The following DCP1B variants were observed in gnomAD, a reference collection of about 807,000 sequenced individuals.
DCP1B encodes the protein decapping mRNA 1B.
DCP1B carries 47 observed loss-of-function variants against 60.5 expected under a neutral mutation model. The ratio of observed to expected loss-of-function variants is 0.78; its 90% confidence interval spans 0.61 to 0.99. The LOEUF (loss-of-function observed/expected upper bound fraction) is 0.99. Among genes scored for constraint, DCP1B ranks in the 50% least tolerant of loss-of-function variants. The pLI is 0.00. For synonymous variants in DCP1B, 267 were observed against 280.3 expected (o/e 0.95, Z 0.47); for missense variants, 725 against 756.8 (o/e 0.96, Z 0.49).
At chr12:1,985,526 G>C (rs1306009563) in intron 3 of DCP1B, among the ~76,000 whole-genome samples, 2 of 152,114 alleles carry the variant, frequency 1.3e-5, no homozygotes, top group Non-Finnish European at 2.9e-5. Context: ...TTACCTCACA[G>C]AGCATGGTAA....
chr12:2,003,361 T>C (rs1480637724), intron 1 of DCP1B, among the ~76,000 whole-genome samples: 1 of 152,214 alleles, frequency 6.6e-6, no homozygotes, highest in African/African-American at 2.4e-5. Flanking sequence ...CAAGGCTAAG[T>C]TCTCCATACT....
At chr12:1,958,497 GAA>G in intron 5 of DCP1B, among the ~76,000 whole-genome samples, 1 of 143,488 alleles carries the variant, frequency 7.0e-6, no homozygotes, top group Non-Finnish European at 1.5e-5. Context: ...CCTCCTGGAA[GAA>G]GACAGGGGAA....
chr12:1,961,063 A>G (rs2031106541), intron 5 of DCP1B, among the ~76,000 whole-genome samples: 1 of 152,234 alleles, frequency 6.6e-6, no homozygotes, highest in African/African-American at 2.4e-5. Context: ...ATGCACACCT[A>G]GTTAGGCCGG....
intron 5 of DCP1B, among the ~76,000 whole-genome samples, chr12:1,956,932 A>G (rs1270998748): frequency 2.0e-4 from 31 of 152,208 alleles, no homozygotes; most frequent in Admixed American, 2.0e-3. Context: ...CCATATCCAT[A>G]TGGGCTAACA....
chr12:1,967,261 T>A (rs1276616801), intron 4 of DCP1B, among the ~76,000 whole-genome samples: 1 of 152,164 alleles, frequency 6.6e-6, no homozygotes, highest in African/African-American at 2.4e-5. Flanking sequence ...ATCATAAGAT[T>A]AAAAGAAAGA....
chr12:1,952,838 T>G lies in DCP1B; in HGVS notation c.1102A>C (p.Lys368Gln). The G allele has an allele frequency of 6.2e-7, 1 of 1,614,126 alleles. No individual in the cohort carries two copies. The highest frequency in any genetic ancestry group is 8.5e-7 in the Non-Finnish European group (1 of 1,180,026). ...KLQSTPGAAN[K>Q]CDPSTPAPAS... ...GGTGCTGGTGTACTAGGGTCACACT[T>G]GTTTGCTGCCCCTGGGGTACTCTGA... Residue 368 changes from lysine to glutamine, a missense_variant, in exon 7 of 9, where the codon AAG becomes CAG. Coordinates refer to ENST00000280665, the MANE Select transcript of DCP1B (RefSeq NM_152640.5).
intron 3 of DCP1B, among the ~76,000 whole-genome samples, chr12:1,981,257 C>T (rs2036042328): frequency 1.3e-5 from 2 of 152,220 alleles, no homozygotes; most frequent in Non-Finnish European, 2.9e-5. Flanking sequence ...CACAGAGGCT[C>T]CTTAATGCCT....
At chr12:1,975,950 G>A (rs79139811) in intron 3 of DCP1B, among the ~76,000 whole-genome samples, 1,976 of 152,256 alleles carry the variant, frequency 0.013, 48 homozygotes, top group African/African-American at 0.043. Context: ...CTCACACTGT[G>A]TATCTGCTTA....
chr12:1,952,074 C>A (rs995160319), intron 7 of DCP1B, among the ~76,000 whole-genome samples: 1 of 152,230 alleles, frequency 6.6e-6, no homozygotes, highest in African/African-American at 2.4e-5. Context: ...CACGGAGGTG[C>A]ACCCTGCTCC....
chr12:1,968,700 GA>G (rs1278470226), intron 3 of DCP1B, among the ~76,000 whole-genome samples: 1 of 152,184 alleles, frequency 6.6e-6, no homozygotes, highest in Admixed American at 6.5e-5. Context: ...TGTTAACTGA[GA>G]AAGTGGCTTT....
intron 3 of DCP1B, among the ~76,000 whole-genome samples, chr12:1,979,474 G>A (rs1459701426): frequency 2.0e-5 from 3 of 150,832 alleles, no homozygotes; most frequent in Non-Finnish European, 2.9e-5. Context: ...ACCATGCCTG[G>A]CTAATTTTTG....
At chr12:1,976,864 G>A (rs1347390442) in intron 3 of DCP1B, among the ~76,000 whole-genome samples, 1 of 150,882 alleles carries the variant, frequency 6.6e-6, no homozygotes, top group Non-Finnish European at 1.5e-5. Flanking sequence ...GGGAGGGAGG[G>A]GGAGGAAGGA....
In DCP1B at chr12:1,948,322, G is replaced by C. The variant is rs2030518475; in HGVS notation, c.1773+764C>G. Among the ~76,000 whole-genome samples, 1 of 152,216 alleles carries C rather than the reference G, an allele frequency of 6.6e-6. No individual in the cohort carries two copies. The highest frequency in any genetic ancestry group is 1.5e-5 in the Non-Finnish European group (1 of 68,044). On this transcript the variant is annotated intron_variant, in intron 8 of 8. Transcript: ENST00000280665. The surrounding 1 kb of genome is among the most constrained non-coding windows in gnomAD (Gnocchi z 4.8). ...GTGGGAAGTGGCACTCGGGGGCCAG[G>C]CTGGGTGCATCCCAGCCCTGCTTAT...
intron 6 of DCP1B, among the ~76,000 whole-genome samples, chr12:1,954,471 T>C (rs1425300905): frequency 6.6e-6 from 1 of 152,198 alleles, no homozygotes; most frequent in East Asian, 1.9e-4. Context: ...AGCAATATTA[T>C]ATTTACAATC....
rs751320069 is a variant in DCP1B, at chr12:2,004,289, T to C, written c.143A>G (p.Asn48Ser). 6.2e-7 allele frequency: 1 copy of C among 1,613,200 alleles called. No homozygotes were observed. Among genetic ancestry groups the C allele is most frequent in the East Asian group, 2.2e-5 (1 of 44,870 alleles). ...VALYTFGHRA[N>S]EWEKTDVEGT... ...CGCCGCGTCCGCACGCACCCACTCGTTGGCCCGATGGCCGAAGGTGTACAG... is the reference window on the plus strand; with the variant it reads ...CGCCGCGTCCGCACGCACCCACTCGCTGGCCCGATGGCCGAAGGTGTACAG... The change falls in exon 1 of 9, where the codon AAC becomes AGC. Residue 48 changes from asparagine (N) to serine (S), a missense_variant. Transcript: ENST00000280665.
In DCP1B at chr12:1,970,456, A is replaced by G. The variant is rs1461836484; in HGVS notation, c.320-2546T>C. On this transcript the variant is annotated intron_variant, in intron 3 of 8. Coordinates refer to ENST00000280665, the MANE Select transcript of DCP1B (RefSeq NM_152640.5). ...AGAGTTCTGGCTACCGAAAAGAGGC[A>G]CCAAGATAAAATGCAGAACTGGGCC... is the stretch of plus-strand genomic sequence containing the variant. Among the ~76,000 whole-genome samples the G allele has an allele frequency of 2.0e-5, 3 of 152,230 alleles. No homozygotes were observed. In the East Asian group the frequency reaches 5.8e-4, roughly 29 times the overall value.
downstream of DCP1B, among the ~76,000 whole-genome samples, chr12:1,943,154 G>C (rs765726382): frequency 5.9e-5 from 9 of 152,150 alleles, no homozygotes; most frequent in Non-Finnish European, 1.3e-4. Flanking sequence ...TACCATCAGA[G>C]AATACCATAA....
chr12:1,993,157 C>A (rs780572995), intron 3 of DCP1B, 107 bp downstream of exon 3: 2 of 1,438,782 alleles, frequency 1.4e-6, no homozygotes, highest in South Asian at 2.3e-5. Flanking sequence ...TGACACCCCC[C>A]ATAGCCACTG....
At chr12:1,998,283 G>A (rs931884416) in intron 1 of DCP1B, among the ~76,000 whole-genome samples, 4 of 152,148 alleles carry the variant, frequency 2.6e-5, no homozygotes, top group African/African-American at 7.2e-5. Flanking sequence ...TGTGCTATGC[G>A]GATTTAATTA....
Sources: allele counts gnomAD v4.1 joint callset (sites outside exome capture counted in the v4.1 genomes callset), GRCh38; gene constraint gnomAD v4.1.1; non-coding constraint Gnocchi (gnomAD v3.1); transcripts MANE v1.5; gene names NCBI Gene and HGNC (gene_info 2026-07-23, HGNC 2026-07-21).